Variants in DAB2IP observed in about 807,000 individuals in gnomAD.
DAB2IP encodes disabled homolog 2-interacting protein.
A neutral mutation model predicts 107.2 loss-of-function variants in DAB2IP; 28 were observed. That is an observed-to-expected ratio of 0.26 (90% CI 0.19 to 0.36). The LOEUF (loss-of-function observed/expected upper bound fraction) is 0.36, where lower values mean the gene tolerates loss of function less well. Ranked by LOEUF, DAB2IP falls within the 10% of genes least tolerant of loss-of-function variation. The probability of loss-of-function intolerance (pLI) is 1.00; values close to 1 mark genes in which losing one functional copy is unlikely to be tolerated. For missense variants in DAB2IP, 1,400 were observed against 1,644.7 expected (o/e 0.85, Z 2.57); for synonymous variants, 755 against 706.4 (o/e 1.07, Z -1.09).
Position 121,760,564 on chromosome 9 carries a change from G to T in DAB2IP, c.1170+125G>T. 8.0e-7 allele frequency: 1 copy of T among 1,256,832 alleles called. No individual in the cohort carries two copies. The highest frequency in any genetic ancestry group is 1.1e-6 in the Non-Finnish European group (1 of 937,928). The allele number at this position is 1,256,832 out of a possible 1,614,324, so 77.9% of individuals were successfully genotyped here. ...GGAGGCACCGGTCACTACCAGAAGG[G>T]CTCCCTAAACCCAAAAGTTCTATCG... On this transcript the variant is annotated intron_variant, in intron 6 of 15. Coordinates refer to ENST00000408936, the Ensembl canonical transcript of DAB2IP. The surrounding 1 kb of genome is among the most constrained non-coding windows in gnomAD (Gnocchi z 5.9).
chr9:121,570,625 T>A (rs115167707), intron 1 of DAB2IP, among the ~76,000 whole-genome samples: 1 of 152,194 alleles, frequency 6.6e-6, no homozygotes, highest in Admixed American at 6.5e-5. Flanking sequence ...CACAGCTTAC[T>A]GCAGCTTCGA....
chr9:121,702,976 A>G lies in DAB2IP; in HGVS notation c.362+3518A>G, dbSNP rs1371283232. Among the ~76,000 whole-genome samples the G allele has an allele frequency of 6.6e-6, 1 of 152,178 alleles. No individual in the cohort carries two copies. The highest frequency in any genetic ancestry group is 1.5e-5 in the Non-Finnish European group (1 of 68,034). On this transcript the variant is annotated intron_variant, in intron 3 of 15. Transcript: ENST00000408936. This position sits in a 1 kb window ranked among gnomAD's most constrained non-coding sequence, Gnocchi z 4.5. ...TCCTGGTGCGGAGCTTAGCTCATAA[A>G]TGCAGGCAGCTCTGGGGCAGGTAGG...
intron 3 of DAB2IP, among the ~76,000 whole-genome samples, chr9:121,756,447 A>ACTCGC (rs1209375853): frequency 2.0e-5 from 3 of 151,868 alleles, no homozygotes; most frequent in Non-Finnish European, 4.4e-5. Context: ...CTGCTTCGAG[A>ACTCGC]CTCGCCTCGC....
At chr9:121,617,762 G>A (rs1422056042) in intron 1 of DAB2IP, among the ~76,000 whole-genome samples, 2 of 152,228 alleles carry the variant, frequency 1.3e-5, no homozygotes, top group African/African-American at 4.8e-5. Context: ...AGTGGGGCAA[G>A]GCCTCATACC....
chr9:121,615,238 C>T (rs1461555687), intron 1 of DAB2IP, among the ~76,000 whole-genome samples: 3 of 152,166 alleles, frequency 2.0e-5, no homozygotes, highest in Non-Finnish European at 2.9e-5. Flanking sequence ...CTTTATGTAC[C>T]TGTTTTGTAT....
chr9:121,783,476 G>T (rs1835799463), exon 16 of DAB2IP: 1 of 1,613,682 alleles, frequency 6.2e-7, no homozygotes, highest in Non-Finnish European at 8.5e-7. Context: ...TTTAAAAAAA[G>T]ATTCTAACGC....
At chr9:121,743,919 G>A (rs750149259) in intron 3 of DAB2IP, among the ~76,000 whole-genome samples, 11 of 152,190 alleles carry the variant, frequency 7.2e-5, no homozygotes, top group Non-Finnish European at 7.3e-5. Context: ...ATGTAGAAAC[G>A]GTTAGGAGGG....
intron 1 of DAB2IP, among the ~76,000 whole-genome samples, chr9:121,669,673 G>A (rs533164144): frequency 6.6e-6 from 1 of 152,312 alleles, no homozygotes; most frequent in African/African-American, 2.4e-5. Flanking sequence ...TAAAGTAGCA[G>A]CAGTCACTGC....
chr9:121,783,017 A>C (rs1835775243), exon 16 of DAB2IP: 1 of 1,023,834 alleles, frequency 9.8e-7, no homozygotes. Context: ...GGAAGATAGG[A>C]GGACACAGAG....
At chr9:121,584,379 G>C (rs1589377440) in intron 1 of DAB2IP, among the ~76,000 whole-genome samples, 1 of 151,368 alleles carries the variant, frequency 6.6e-6, no homozygotes, top group East Asian at 1.9e-4. Context: ...CTGCACTCTA[G>C]ACAGGGCAAC....
chr9:121,758,992 A>G lies in DAB2IP; in HGVS notation c.611A>G (p.Asn204Ser), dbSNP rs1833688065. ...AACCTCCGGCGAGCGGTGCATCCCAACAAGGTAAGCCTGCGCCCCTCTCAC... is the reference window on the plus strand; with the variant it reads ...AACCTCCGGCGAGCGGTGCATCCCAGCAAGGTAAGCCTGCGCCCCTCTCAC... Residue 204 changes from asparagine (N) to serine (S), a missense_variant, in exon 5 of 16, where the codon AAC becomes AGC. By Grantham distance (46) the Asn-to-Ser change is conservative. Around this residue, in one of 3 missense-constraint regions of DAB2IP, gnomAD observed 517 missense variants for 748.6 expected, o/e 0.69. Coordinates refer to ENST00000408936, the Ensembl canonical transcript of DAB2IP. 9 of 1,611,690 alleles carry G rather than the reference A, an allele frequency of 5.6e-6. No individual in the cohort carries two copies. In the South Asian group the frequency reaches 6.7e-5, roughly 12 times the overall value.
At chr9:121,715,886 T>A (rs1830578538) in intron 3 of DAB2IP, among the ~76,000 whole-genome samples, 1 of 152,194 alleles carries the variant, frequency 6.6e-6, no homozygotes, top group Non-Finnish European at 1.5e-5. Context: ...TCTTGTAAAC[T>A]TCCCAAGGTT....
chr9:121,758,868 T>C lies in DAB2IP; in HGVS notation c.517-30T>C, dbSNP rs187297125. ...CCTGCCCTTGCTGTGGTCCCTTCCC[T>C]CATAACACTGTCTTGCCTGCTCCCC... is the stretch of plus-strand genomic sequence containing the variant. On this transcript the variant is annotated intron_variant, in intron 4 of 15. Coordinates refer to ENST00000408936, the Ensembl canonical transcript of DAB2IP. 3,886 of 1,603,336 alleles carry C rather than the reference T, an allele frequency of 2.4e-3. 10 individuals carry two copies. The highest frequency in any genetic ancestry group is 3.0e-3 in the Non-Finnish European group (3,523 of 1,173,866).
rs549091580 is a variant in DAB2IP, at chr9:121,665,320, C to T, written c.125-13358C>T. Among the ~76,000 whole-genome samples, 7 of 151,826 alleles carry T rather than the reference C, an allele frequency of 4.6e-5. No homozygotes were observed. The South Asian group carries it at 1.5e-3, about 32-fold the overall frequency. The stretch of plus-strand genomic sequence containing the variant: ...GCCAGGAGTCGGAGACCACCCTGGC[C>T]AACATAGTGAGACCCCGTCTCTAAT... On this transcript the variant is annotated intron_variant, in intron 1 of 15. Coordinates refer to ENST00000408936, the Ensembl canonical transcript of DAB2IP.
At chr9:121,686,649 C>T (rs1394713994) in intron 2 of DAB2IP, among the ~76,000 whole-genome samples, 1 of 152,170 alleles carries the variant, frequency 6.6e-6, no homozygotes, top group Non-Finnish European at 1.5e-5. Context: ...GAATCTTGGC[C>T]ACTGCTCCCT....
intron 14 of DAB2IP, among the ~76,000 whole-genome samples, chr9:121,777,273 T>C (rs1835272588): frequency 6.6e-6 from 1 of 152,226 alleles, no homozygotes; most frequent in Non-Finnish European, 1.5e-5. Context: ...CTCTGCTCCA[T>C]GTTTTGTCTA....
intron 3 of DAB2IP, among the ~76,000 whole-genome samples, chr9:121,709,143 T>G (rs1215827574): frequency 1.3e-5 from 2 of 152,330 alleles, no homozygotes; most frequent in South Asian, 4.1e-4. Context: ...TGAGATTCTC[T>G]ATTTCAGTAA....
rs141424364 is a variant in DAB2IP, at chr9:121,619,424, G to A, written c.40+52196G>A. 4.1e-4 allele frequency among the ~76,000 whole-genome samples: 63 copies of A among 152,362 alleles called. No individual in the cohort carries two copies. In the East Asian group the frequency reaches 0.011, roughly 27 times the overall value. Reference sequence around the variant, plus strand: ...TGCCTCCCAAAGTGCTAGGATTACAGGCGTGAGCCACTGAGCCTGGCCTTC... The same window carrying A: ...TGCCTCCCAAAGTGCTAGGATTACAAGCGTGAGCCACTGAGCCTGGCCTTC... On this transcript the variant is annotated intron_variant, in intron 1 of 16. Transcript: ENST00000259371.
chr9:121,740,637 G>T (rs1564191550), intron 3 of DAB2IP, among the ~76,000 whole-genome samples: 1 of 152,204 alleles, frequency 6.6e-6, no homozygotes, highest in Non-Finnish European at 1.5e-5. Flanking sequence ...GCTGGCTCTG[G>T]GGAGGGTTCA....
Sources: gnomAD v4.1 joint callset for allele counts (sites outside exome capture counted in the v4.1 genomes callset) on GRCh38, gnomAD v4.1.1 for gene constraint, gnomAD v4.1.1 regional missense constraint, Gnocchi (gnomAD v3.1) non-coding constraint, MANE v1.5 for transcripts, NCBI Gene and HGNC (gene_info 2026-07-23, HGNC 2026-07-21) for gene names.